The following CADM2 variants were observed in gnomAD, a reference collection of about 807,000 sequenced individuals.
The protein encoded by CADM2 is immunoglobulin superfamily member 4D.
Under a neutral mutation model 49.8 loss-of-function variants are expected in CADM2, and 12 were observed. That is an observed-to-expected ratio of 0.24 (90% CI 0.15 to 0.39). CADM2 has a LOEUF of 0.39. Ranked by LOEUF, CADM2 falls within the 10% of genes least tolerant of loss-of-function variation. The probability of loss-of-function intolerance (pLI) is 1.00; values close to 1 mark genes in which losing one functional copy is unlikely to be tolerated. For synonymous variants in CADM2, 214 were observed against 175.4 expected, an observed-to-expected ratio of 1.22 and a Z score of -1.74; for missense variants, 378 against 492.3, an observed-to-expected ratio of 0.77 and a Z score of 2.20.
intron 5 of CADM2, among the ~76,000 whole-genome samples, chr3:85,904,169 G>A (rs550081727): frequency 7.2e-5 from 11 of 152,140 alleles, no homozygotes; most frequent in African/African-American, 2.4e-4. Flanking sequence ...TTCTTCCCTG[G>A]GCAAAATGGT....
chr3:85,862,463 A>T (rs1013915064), intron 3 of CADM2, among the ~76,000 whole-genome samples: 1 of 152,142 alleles, frequency 6.6e-6, no homozygotes, highest in Admixed American at 6.5e-5. Flanking sequence ...TTTCCAGAAT[A>T]TTTCTGAGCT....
chr3:85,305,471 C>T (rs1228066167), intron 1 of CADM2, among the ~76,000 whole-genome samples: 1 of 151,540 alleles, frequency 6.6e-6, no homozygotes, highest in African/African-American at 2.4e-5. Context: ...TGCCAAATTT[C>T]AAAGTTAGTA....
intron 1 of CADM2, among the ~76,000 whole-genome samples, chr3:85,544,598 A>T (rs896312186): frequency 4.6e-5 from 7 of 152,024 alleles, no homozygotes; most frequent in Non-Finnish European, 7.4e-5. Context: ...ATAAAAAATA[A>T]AAAAAAGAGG....
At chr3:85,693,868 C>G (rs2066467566) in intron 1 of CADM2, among the ~76,000 whole-genome samples, 2 of 146,574 alleles carry the variant, frequency 1.4e-5, no homozygotes, top group South Asian at 2.1e-4. Context: ...TGTACTCCAG[C>G]CTGGGCTACA....
intron 1 of CADM2, among the ~76,000 whole-genome samples, chr3:85,273,527 T>C (rs1182651292): frequency 2.6e-5 from 4 of 151,270 alleles, no homozygotes; most frequent in Non-Finnish European, 5.9e-5. Flanking sequence ...TATGCTGCAA[T>C]AGGATTTGCC....
chr3:85,995,959 G>A (rs567459118), intron 8 of CADM2, among the ~76,000 whole-genome samples: 5 of 151,690 alleles, frequency 3.3e-5, no homozygotes, highest in East Asian at 2.0e-4. Context: ...GCGTGGTGGC[G>A]GTCGCCTGTA....
chr3:85,012,904 A>G (rs2034063372), intron 1 of CADM2, among the ~76,000 whole-genome samples: 1 of 151,864 alleles, frequency 6.6e-6, no homozygotes, highest in Non-Finnish European at 1.5e-5. Context: ...GATATATAGT[A>G]TGCATTTGCT....
chr3:85,512,058 A>T (rs1207877150), intron 1 of CADM2, among the ~76,000 whole-genome samples: 1 of 152,018 alleles, frequency 6.6e-6, no homozygotes, highest in Non-Finnish European at 1.5e-5. Flanking sequence ...TGTTAGATGG[A>T]TGCATTGCAT....
chr3:85,454,549 G>A (rs947117476), intron 1 of CADM2, among the ~76,000 whole-genome samples: 13 of 151,900 alleles, frequency 8.6e-5, no homozygotes, highest in African/African-American at 3.1e-4. Flanking sequence ...CTTAATCCTC[G>A]ATATATAAAA....
chr3:85,431,003 G>T (rs2036636278), intron 1 of CADM2, among the ~76,000 whole-genome samples: 1 of 152,116 alleles, frequency 6.6e-6, no homozygotes, highest in Non-Finnish European at 1.5e-5. Flanking sequence ...GCACCCATAA[G>T]CATGTCTTAG....
At chr3:85,485,170 T>C (rs2107634838) in intron 1 of CADM2, among the ~76,000 whole-genome samples, 1 of 152,026 alleles carries the variant, frequency 6.6e-6, no homozygotes, top group South Asian at 2.1e-4. Context: ...CCATCACAAG[T>C]TTAGGTACAC....
chr3:85,746,737 A>G (rs780391203), intron 2 of CADM2, among the ~76,000 whole-genome samples: 2 of 151,942 alleles, frequency 1.3e-5, no homozygotes, highest in Non-Finnish European at 2.9e-5. Context: ...TAGAGCTCAC[A>G]TTGTCTTCCC....
intron 8 of CADM2, among the ~76,000 whole-genome samples, chr3:86,055,284 C>T (rs1449232753): frequency 6.6e-6 from 1 of 151,884 alleles, no homozygotes; most frequent in African/African-American, 2.4e-5. Context: ...TTATAAACAA[C>T]AGAAATTTAT....
intron 1 of CADM2, among the ~76,000 whole-genome samples, chr3:85,160,737 C>T (rs1264710061): frequency 1.3e-5 from 2 of 152,096 alleles, no homozygotes; most frequent in Non-Finnish European, 2.9e-5. Context: ...AAAGAATTGA[C>T]ATTTATGCAA....
At chr3:85,078,577 T>A (rs553187678) in intron 1 of CADM2, among the ~76,000 whole-genome samples, 1 of 152,036 alleles carries the variant, frequency 6.6e-6, no homozygotes, top group African/African-American at 2.4e-5. Flanking sequence ...TGCAGATATC[T>A]TATCTGCACA....
chr3:85,465,867 A>T (rs2038468619), intron 1 of CADM2, among the ~76,000 whole-genome samples: 1 of 152,196 alleles, frequency 6.6e-6, no homozygotes, highest in African/African-American at 2.4e-5. Flanking sequence ...TAAGCGCAGG[A>T]AGATTATCTG....
At chr3:85,908,488 A>T (rs1717109722) in intron 5 of CADM2, among the ~76,000 whole-genome samples, 1 of 151,828 alleles carries the variant, frequency 6.6e-6, no homozygotes, top group Non-Finnish European at 1.5e-5. Context: ...GACTTTACCA[A>T]GAAATATTTA....
chr3:85,708,647 C>T (rs1298785562), intron 1 of CADM2, among the ~76,000 whole-genome samples: 1 of 152,036 alleles, frequency 6.6e-6, no homozygotes, highest in East Asian at 1.9e-4. Flanking sequence ...AAAAGTTAAA[C>T]AAAGACAAAA....
intron 3 of CADM2, among the ~76,000 whole-genome samples, chr3:85,849,656 C>T (rs1239483615): frequency 1.3e-5 from 2 of 152,130 alleles, no homozygotes; most frequent in East Asian, 1.9e-4. Flanking sequence ...TATTAATCAT[C>T]ATATATAAGC....
Sources: gnomAD v4.1 joint callset for allele counts (sites outside exome capture counted in the v4.1 genomes callset) on GRCh38, gnomAD v4.1.1 for gene constraint, MANE v1.5 for transcripts, NCBI Gene and HGNC (gene_info 2026-07-23, HGNC 2026-07-21) for gene names.